ARHGAP35: variants seen among roughly 807,000 people sequenced by gnomAD.
ARHGAP35 encodes rho GTPase-activating protein 35.
Under a neutral mutation model 111.1 loss-of-function variants are expected in ARHGAP35, and 15 were observed. The observed-to-expected ratio is 0.13, with a 90% CI of 0.09 to 0.21. The LOEUF is 0.21. Ranked by LOEUF, ARHGAP35 falls within the 10% of genes least tolerant of loss-of-function variation. The probability of loss-of-function intolerance (pLI) is 1.00; values close to 1 mark genes in which losing one functional copy is unlikely to be tolerated. For synonymous variants in ARHGAP35, 643 were observed against 710.3 expected (o/e 0.91, Z 1.51); for missense variants, 1,262 against 1,873.0 (o/e 0.67, Z 6.02).
chr19:46,869,589 G>A (rs2055877156), intron 1 of ARHGAP35, among the ~76,000 whole-genome samples: 1 of 151,954 alleles, frequency 6.6e-6, no homozygotes, highest in African/African-American at 2.4e-5. Flanking sequence ...TCAAAACTGT[G>A]GCTTTATCTC....
chr19:46,898,227 C>T (rs1025034836), intron 1 of ARHGAP35, among the ~76,000 whole-genome samples: 6 of 147,748 alleles, frequency 4.1e-5, no homozygotes, highest in African/African-American at 1.5e-4. Context: ...GGCTACAATG[C>T]GAGACTCCGT....
rs1254332279 is a variant in ARHGAP35 at position 47,003,841 on chromosome 19, C to A, written c.*3153C>A. 6.6e-6 allele frequency: 1 copy of A among 152,290 alleles called. No homozygotes were observed. Among genetic ancestry groups the A allele is most frequent in the African/African-American group, 2.4e-5 (1 of 41,380 alleles). The allele number at this position is 152,290 out of a possible 1,614,324, so 9.4% of individuals were successfully genotyped here. A position where few individuals can be genotyped will look rare whatever the true frequency, so the allele number is the denominator to read the frequency against. On this transcript the variant is annotated 3_prime_UTR_variant, in exon 7 of 7. Transcript: ENST00000672722. ...TGTGCCTCACTCAGCTCCTGCTGCT[C>A]TTAGGGAAAGGAGGCCTGGGTCAAG...
intron 1 of ARHGAP35, among the ~76,000 whole-genome samples, chr19:46,917,111 CT>C (rs1278449061): frequency 6.6e-6 from 1 of 152,144 alleles, no homozygotes; most frequent in African/African-American, 2.4e-5. Flanking sequence ...AAAACTGAAA[CT>C]CTGTACCCAT....
At position 46,994,172 on chromosome 19, in the gene ARHGAP35, C is replaced by T. The variant is rs1480777656; in HGVS notation, c.4036+4497C>T. On this transcript the variant is annotated intron_variant, in intron 5 of 6. Transcript: ENST00000672722. The surrounding 1 kb of genome is among the most constrained non-coding windows in gnomAD (Gnocchi z 5.4). ...GGCGGGTCCGGGTTGCAGCAGCTCA[C>T]CCAGGGCTGGGTGCCCTGACGGCCC... Among the ~76,000 whole-genome samples, 2 of 152,154 alleles carry T rather than the reference C, an allele frequency of 1.3e-5. No individual in the cohort carries two copies. The highest frequency in any genetic ancestry group is 2.9e-5 in the Non-Finnish European group (2 of 68,026).
intron 3 of ARHGAP35, chr19:46,948,367 A>G (rs2056392483): frequency 6.6e-6 from 1 of 152,232 alleles, no homozygotes; most frequent in Non-Finnish European, 1.5e-5. Flanking sequence ...CTGACACATT[A>G]TCTTACATGC....
intron 1 of ARHGAP35, among the ~76,000 whole-genome samples, chr19:46,863,653 C>G (rs1176836074): frequency 2.0e-5 from 3 of 151,964 alleles, no homozygotes; most frequent in Non-Finnish European, 4.4e-5. Context: ...TCCCTTCCCC[C>G]CCGCCTTCGC....
chr19:46,880,322 C>T lies in ARHGAP35; in HGVS notation c.-189+19113C>T, dbSNP rs370551964. Among the ~76,000 whole-genome samples, 23 of 152,036 alleles carry T rather than the reference C, an allele frequency of 1.5e-4. No homozygotes were observed. In the East Asian group the frequency reaches 4.3e-3, roughly 28 times the overall value. On this transcript the variant is annotated intron_variant, in intron 1 of 6. Transcript: ENST00000672722. ...TGGTGCATGCCTGTAATCCCAGCTA[C>T]TCGGGAGGCTGAGGCAGGAGAATCG...
chr19:46,905,563 C>CG (rs1433887930), intron 1 of ARHGAP35, among the ~76,000 whole-genome samples: 1 of 137,754 alleles, frequency 7.3e-6, no homozygotes, highest in Admixed American at 7.1e-5. Flanking sequence ...CCACCCCCCC[C>CG]CCCCAAGACA....
At position 46,986,038 on chromosome 19, in the gene ARHGAP35, T is replaced by A. The variant is rs1298537960; in HGVS notation, c.3827-1951T>A. On this transcript the variant is annotated intron_variant, in intron 3 of 6. Transcript: ENST00000672722. This position sits in a 1 kb window ranked among gnomAD's most constrained non-coding sequence, Gnocchi z 4.3. ...GGTGCTCTCTACTGTCGGCACTGTT[T>A]CTGTTGTCCAGGGGCAGCACCCACA... 1.3e-5 allele frequency among the ~76,000 whole-genome samples: 2 copies of A among 152,232 alleles called. No homozygotes were observed. The highest frequency in any genetic ancestry group is 2.9e-5 in the Non-Finnish European group (2 of 68,046).
intron 1 of ARHGAP35, among the ~76,000 whole-genome samples, chr19:46,870,519 C>A (rs896875848): frequency 1.3e-5 from 2 of 151,796 alleles, no homozygotes; most frequent in Non-Finnish European, 2.9e-5. Flanking sequence ...GCGGAGCTTG[C>A]AGTGAGCCGA....
chr19:47,004,927 TCTGA>T lies in ARHGAP35; in HGVS notation c.*4244_*4247del, dbSNP rs2056767412. ...AGCCCTCAATGAAGGCTGAGGCATC[TCTGA>T]CTGAGGTGTTTTTGTTTGGTTTTGT... On this transcript the variant is annotated 3_prime_UTR_variant, in exon 7 of 7. Transcript: ENST00000672722. 6.6e-6 allele frequency: 1 copy of T among 152,224 alleles called. No individual in the cohort carries two copies. Among genetic ancestry groups the T allele is most frequent in the Non-Finnish European group, 1.5e-5 (1 of 68,040 alleles). 9.4% of individuals were successfully genotyped at this position (152,224 alleles called of 1,614,324 possible).
rs2056502335 is a variant in ARHGAP35 at position 46,964,548 on chromosome 19, A to AT, written c.3827-23440dup. 2.6e-5 allele frequency among the ~76,000 whole-genome samples: 4 copies of AT among 152,358 alleles called. No individual in the cohort carries two copies. In the South Asian group the frequency reaches 8.3e-4, roughly 32 times the overall value. ...GGTGGGATTACAGGTGTGAGCCAGC[A>AT]TGCGCAGCCAGTGGCATCATTCTTT... On this transcript the variant is annotated intron_variant, in intron 3 of 6. Transcript: ENST00000672722.
chr19:46,988,355 C>T lies in ARHGAP35; in HGVS notation c.3904+289C>T. The stretch of plus-strand genomic sequence containing the variant: ...GTTGCCCGGGCACATGCCTCCCTCA[C>T]CACACTGAAGAGCTTTGCCTGTTTT... On this transcript the variant is annotated intron_variant, in intron 4 of 6. Transcript: ENST00000672722. This position sits in a 1 kb window ranked among gnomAD's most constrained non-coding sequence, Gnocchi z 5.4. The T allele has an allele frequency of 2.5e-6, 1 of 406,436 alleles. No individual in the cohort carries two copies. Among genetic ancestry groups the T allele is most frequent in the Non-Finnish European group, 4.6e-6 (1 of 215,228 alleles). The allele number at this position is 406,436 out of a possible 1,614,324, so 25.2% of individuals were successfully genotyped here. A position where few individuals can be genotyped will look rare whatever the true frequency, so the allele number is the denominator to read the frequency against.
intron 3 of ARHGAP35, among the ~76,000 whole-genome samples, chr19:46,971,894 T>C (rs1411433308): frequency 6.6e-6 from 1 of 152,208 alleles, no homozygotes; most frequent in African/African-American, 2.4e-5. Context: ...CTCCCAATGT[T>C]AAGAACACTG....
chr19:46,918,652 T>C lies in ARHGAP35; in HGVS notation c.-24T>C. The C allele has an allele frequency of 6.3e-7, 1 of 1,599,212 alleles. No homozygotes were observed. Among genetic ancestry groups the C allele is most frequent in the East Asian group, 2.2e-5 (1 of 44,764 alleles). On this transcript the variant is annotated 5_prime_UTR_variant, in exon 2 of 7. Coordinates refer to ENST00000672722, the MANE Select transcript of ARHGAP35 (RefSeq NM_004491.5). This position sits in a 1 kb window ranked among gnomAD's most constrained non-coding sequence, Gnocchi z 5.4. Reference sequence around the variant, plus strand: ...ACACTAATCTGATCTCAGAAGTGGCTGATCGTGGCAGGATGTGTCGACGAT... The same window carrying C: ...ACACTAATCTGATCTCAGAAGTGGCCGATCGTGGCAGGATGTGTCGACGAT...
chr19:46,942,837 A>G (rs1452929735), intron 3 of ARHGAP35, among the ~76,000 whole-genome samples: 2 of 150,764 alleles, frequency 1.3e-5, no homozygotes, highest in Non-Finnish European at 3.0e-5. Context: ...AAAAAAAAAA[A>G]GGAAAAGAAA....
In ARHGAP35 at chr19:46,919,754, A is replaced by G. The variant is rs1321544380; in HGVS notation, c.1079A>G (p.His360Arg). 1.9e-6 allele frequency: 3 copies of G among 1,613,988 alleles called. No individual in the cohort carries two copies. The highest frequency in any genetic ancestry group is 2.5e-6 in the Non-Finnish European group (3 of 1,179,884). The change falls in exon 2 of 7, where the codon CAC (histidine) becomes CGC (arginine). Residue 360 changes from histidine (H) to arginine (R), a missense_variant. Physicochemically the swap from His to Arg is conservative, Grantham distance 29. Around this residue, in one of 8 missense-constraint regions of ARHGAP35, gnomAD observed 328 missense variants for 440.8 expected, o/e 0.74. Coordinates refer to ENST00000672722, the MANE Select transcript of ARHGAP35 (RefSeq NM_004491.5). The surrounding 1 kb of genome is among the most constrained non-coding windows in gnomAD (Gnocchi z 6.2). ...ALIPNLDEID[H>R]LSCIKAKKLL... is the part of the protein sequence containing the mutation. The stretch of plus-strand genomic sequence containing the variant: ...ATACCTAATCTAGATGAAATAGACC[A>G]CCTAAGCTGCATAAAAGCCAAAAAG...
chr19:46,927,997 C>A (rs1259823554), intron 2 of ARHGAP35, among the ~76,000 whole-genome samples: 1 of 152,120 alleles, frequency 6.6e-6, no homozygotes, highest in African/African-American at 2.4e-5. Flanking sequence ...CTCCTCACTG[C>A]CCCCCAGAAC....
chr19:46,882,263 T>C (rs374792225), intron 1 of ARHGAP35, among the ~76,000 whole-genome samples: 1 of 146,026 alleles, frequency 6.8e-6, no homozygotes. Context: ...CCCCCCCAGG[T>C]TGCTGGGATT....
Sources: gnomAD v4.1 joint callset for allele counts (sites outside exome capture counted in the v4.1 genomes callset) on GRCh38, gnomAD v4.1.1 for gene constraint, gnomAD v4.1.1 regional missense constraint, Gnocchi (gnomAD v3.1) non-coding constraint, MANE v1.5 for transcripts, NCBI Gene and HGNC (gene_info 2026-07-23, HGNC 2026-07-21) for gene names.